KCNQ4: variants seen among roughly 807,000 people sequenced by gnomAD.
KCNQ4 encodes potassium voltage-gated channel subfamily Q member 4.
In KCNQ4, 31 loss-of-function variants were observed where a neutral mutation model predicts 72.6. The ratio of observed to expected loss-of-function variants is 0.43; its 90% CI spans 0.32 to 0.58. The LOEUF (loss-of-function observed/expected upper bound fraction) is 0.58. Among genes scored for constraint, KCNQ4 ranks in the 20% least tolerant of loss-of-function variants. KCNQ4 has a pLI of 0.08. For missense variants in KCNQ4, 869 were observed against 962.6 expected (o/e 0.90, Z 1.29); for synonymous variants, 405 against 403.7 (o/e 1.00, Z -0.04).
intron 1 of KCNQ4, among the ~76,000 whole-genome samples, chr1:40,804,257 G>A (rs1404914212): frequency 6.6e-6 from 1 of 152,224 alleles, no homozygotes; most frequent in Non-Finnish European, 1.5e-5. Flanking sequence ...GGGAATTTTT[G>A]AGGTGGGAGT....
intron 1 of KCNQ4, among the ~76,000 whole-genome samples, chr1:40,813,205 C>T (rs976827501): frequency 1.3e-5 from 2 of 152,196 alleles, no homozygotes; most frequent in Non-Finnish European, 2.9e-5. Flanking sequence ...AGGAGTTGGA[C>T]TTTCCCTCTC....
At chr1:40,786,628 C>G (rs1384189256) in intron 1 of KCNQ4, among the ~76,000 whole-genome samples, 3 of 152,172 alleles carry the variant, frequency 2.0e-5, no homozygotes, top group Admixed American at 6.5e-5. Context: ...GTGTCAGGAA[C>G]CCCACCTCTT....
Position 40,820,139 on chromosome 1 carries a change from C to T in KCNQ4, c.946-26C>T, listed in dbSNP as rs777135566. The T allele has an allele frequency of 7.6e-6, 12 of 1,588,964 alleles. No homozygotes were observed. In the East Asian group the frequency reaches 9.1e-5, roughly 12 times the overall value. ...ACTGCCCCACCACTGCCAGCACATT[C>T]CCCCAACCATGCCCTATCCCTCTAG... On this transcript the variant is annotated intron_variant, in intron 6 of 13. Coordinates refer to ENST00000347132, the MANE Select transcript of KCNQ4 (RefSeq NM_004700.4).
chr1:40,818,476 C>T, intron 3 of KCNQ4, 29 bp from the exon 4 acceptor site: 2 of 1,584,042 alleles, frequency 1.3e-6, no homozygotes, highest in Non-Finnish European at 1.7e-6. Context: ...GGTAGGCTGG[C>T]TGTGATCTCG....
intron 1 of KCNQ4, among the ~76,000 whole-genome samples, chr1:40,809,017 C>A (rs77938852): frequency 0.02 from 2,999 of 152,238 alleles, 90 homozygotes; most frequent in African/African-American, 0.069. Flanking sequence ...AGAAGGCTGC[C>A]CTTGCCAAGG....
At chr1:40,827,723 C>A (rs945295329) in intron 9 of KCNQ4, among the ~76,000 whole-genome samples, 3 of 152,186 alleles carry the variant, frequency 2.0e-5, no homozygotes, top group African/African-American at 7.2e-5. Context: ...TTCTGGACCA[C>A]AATCTAGCTA....
intron 9 of KCNQ4, 128 bp downstream of exon 9, chr1:40,824,386 A>G (rs1648411845): frequency 1.0e-6 from 1 of 972,930 alleles, no homozygotes; most frequent in Non-Finnish European, 1.5e-6. Flanking sequence ...GGGGACTCCT[A>G]GGCCGTCAGA....
chr1:40,805,512 GA>G (rs1357864571), intron 1 of KCNQ4, among the ~76,000 whole-genome samples: 6 of 152,170 alleles, frequency 3.9e-5, no homozygotes, highest in African/African-American at 9.7e-5. Context: ...TTCTGGCTCA[GA>G]TGTGTTGGAT....
intron 9 of KCNQ4, chr1:40,826,766 A>G: frequency 4.7e-6 from 2 of 428,076 alleles, no homozygotes; most frequent in Non-Finnish European, 9.7e-6. Context: ...GAGAGGGGAC[A>G]GGATGGGCCA....
In KCNQ4 at chr1:40,817,046, A is replaced by C. The variant is rs1294648476; in HGVS notation, c.315-219A>C. ...TGAGCTGCAGCCTGCAGCAGGGGGC[A>C]ATTGAGATAGTTGTGAGGTCCAGTA... On this transcript the variant is annotated intron_variant, in intron 1 of 13. Transcript: ENST00000347132. The surrounding 1 kb of genome is among the most constrained non-coding windows in gnomAD (Gnocchi z 5.5). Among the ~76,000 whole-genome samples the C allele has an allele frequency of 6.6e-6, 1 of 152,210 alleles. No individual in the cohort carries two copies. Among genetic ancestry groups the C allele is most frequent in the Non-Finnish European group, 1.5e-5 (1 of 68,024 alleles).
Position 40,840,287 on chromosome 1 carries a change from G to A in KCNQ4, c.*1764G>A, listed in dbSNP as rs1648938657. The A allele has an allele frequency of 6.6e-6, 1 of 152,316 alleles. No homozygotes were observed. Among genetic ancestry groups the A allele is most frequent in the South Asian group, 2.1e-4 (1 of 4,832 alleles). 9.4% of individuals were successfully genotyped at this position (152,316 alleles called of 1,614,324 possible). A position where few individuals can be genotyped will look rare whatever the true frequency, so the allele number is the denominator to read the frequency against. On this transcript the variant is annotated 3_prime_UTR_variant, in exon 14 of 14. Transcript: ENST00000347132. Reference sequence around the variant, plus strand: ...CCTCCACCCACTCAGAGACAGCTGTGGAGAGGGCCAGGAGAATGGGATTAC... The same window carrying A: ...CCTCCACCCACTCAGAGACAGCTGTAGAGAGGGCCAGGAGAATGGGATTAC...
At chr1:40,795,100 G>A (rs1647374990) in intron 1 of KCNQ4, among the ~76,000 whole-genome samples, 1 of 152,112 alleles carries the variant, frequency 6.6e-6, no homozygotes, top group African/African-American at 2.4e-5. Context: ...TGTGATGCCA[G>A]GCAGGTGACC....
At position 40,784,125 on chromosome 1, in the gene KCNQ4, TGG is replaced by T; in HGVS notation, c.34_35del (p.Gly12SerfsTer223). The T allele has an allele frequency of 1.1e-6, 1 of 897,364 alleles. No homozygotes were observed. The highest frequency in any genetic ancestry group is 1.4e-6 in the Non-Finnish European group (1 of 737,990). The allele number at this position is 897,364 out of a possible 1,614,324, so 55.6% of individuals were successfully genotyped here. A position where few individuals can be genotyped will look rare whatever the true frequency, so the allele number is the denominator to read the frequency against. On this transcript the variant is annotated frameshift_variant, in exon 1 of 14. Coordinates refer to ENST00000347132, the MANE Select transcript of KCNQ4 (RefSeq NM_004700.4). LOFTEE classifies it high-confidence loss of function. The surrounding 1 kb of genome is among the most constrained non-coding windows in gnomAD (Gnocchi z 4.1). The stretch of plus-strand genomic sequence containing the variant: ...GAGGCCCCCCCGCGCCGCCTCGGCC[TGG>T]GTCCCCCGCCCGGGGACGCCCCCCG...
intron 9 of KCNQ4, among the ~76,000 whole-genome samples, chr1:40,827,328 C>T (rs1367995595): frequency 1.3e-5 from 2 of 152,236 alleles, no homozygotes; most frequent in East Asian, 1.9e-4. Context: ...CTGTGGAGCC[C>T]GGGTCAGGCA....
At chr1:40,808,204 A>G (rs921182280) in intron 1 of KCNQ4, among the ~76,000 whole-genome samples, 1 of 151,960 alleles carries the variant, frequency 6.6e-6, no homozygotes, top group Non-Finnish European at 1.5e-5. Flanking sequence ...GAGGGAAGGA[A>G]GGAGGCTCTG....
intron 1 of KCNQ4, among the ~76,000 whole-genome samples, chr1:40,804,451 C>G (rs1647689383): frequency 6.6e-6 from 1 of 152,178 alleles, no homozygotes; most frequent in Admixed American, 6.5e-5. Flanking sequence ...TGGTTAATCT[C>G]TAAGGGACCT....
chr1:40,828,365 C>G (rs918246071), intron 9 of KCNQ4, among the ~76,000 whole-genome samples: 5 of 152,196 alleles, frequency 3.3e-5, no homozygotes, highest in African/African-American at 9.6e-5. Flanking sequence ...TGGATTGCGA[C>G]TATCACATGC....
chr1:40,803,797 T>C (rs1161654668), intron 1 of KCNQ4, among the ~76,000 whole-genome samples: 1 of 152,224 alleles, frequency 6.6e-6, no homozygotes, highest in Non-Finnish European at 1.5e-5. Context: ...TGAGTTTGCA[T>C]GCTGCTTTGC....
chr1:40,792,370 G>A (rs1487250514), intron 1 of KCNQ4, among the ~76,000 whole-genome samples: 2 of 152,184 alleles, frequency 1.3e-5, no homozygotes, highest in Middle Eastern at 3.2e-3. Context: ...TCGCTTAGAG[G>A]CAGGACCAGC....
Sources: gnomAD v4.1 joint callset for allele counts (sites outside exome capture counted in the v4.1 genomes callset) on GRCh38, gnomAD v4.1.1 for gene constraint, Gnocchi (gnomAD v3.1) non-coding constraint, MANE v1.5 for transcripts, NCBI Gene and HGNC (gene_info 2026-07-23, HGNC 2026-07-21) for gene names.